RAPGEF5: variants seen among roughly 807,000 people sequenced by gnomAD.
The protein encoded by RAPGEF5 is M-Ras-regulated GEF.
Under a neutral mutation model 125.2 loss-of-function variants are expected in RAPGEF5, and 65 were observed. That is an observed-to-expected ratio of 0.52 (90% CI 0.43 to 0.64). The LOEUF (loss-of-function observed/expected upper bound fraction) is 0.64. Ranked by LOEUF, RAPGEF5 falls within the 30% of genes least tolerant of loss-of-function variation. The pLI, the probability that RAPGEF5 is intolerant of heterozygous loss-of-function variation, is 0.00. For missense variants in RAPGEF5, 958 were observed against 1,048.1 expected (o/e 0.91, Z 1.19); for synonymous variants, 391 against 385.9 (o/e 1.01, Z -0.16).
At chr7:22,160,134 C>G (rs1783940522) in intron 14 of RAPGEF5, among the ~76,000 whole-genome samples, 1 of 151,966 alleles carries the variant, frequency 6.6e-6, no homozygotes, top group African/African-American at 2.4e-5. Flanking sequence ...ATAAAATGTT[C>G]CACAACTCCC....
At chr7:22,151,333 A>G (rs921706622) in intron 17 of RAPGEF5, among the ~76,000 whole-genome samples, 1 of 152,134 alleles carries the variant, frequency 6.6e-6, no homozygotes, top group Non-Finnish European at 1.5e-5. Flanking sequence ...GGGAATGAAT[A>G]TTTTTAAAGT....
chr7:22,289,768 A>T (rs2128147097), intron 6 of RAPGEF5, among the ~76,000 whole-genome samples: 1 of 152,236 alleles, frequency 6.6e-6, no homozygotes, highest in Admixed American at 6.5e-5. Flanking sequence ...TTAGGGAGAG[A>T]TCTGGGGGGA....
At chr7:22,269,325 T>C (rs1353382535) in intron 6 of RAPGEF5, among the ~76,000 whole-genome samples, 1 of 152,196 alleles carries the variant, frequency 6.6e-6, no homozygotes, top group Admixed American at 6.5e-5. Context: ...TTTTTGTTTT[T>C]TTAAATGACC....
At chr7:22,274,797 C>T (rs962645649) in intron 6 of RAPGEF5, among the ~76,000 whole-genome samples, 1 of 152,186 alleles carries the variant, frequency 6.6e-6, no homozygotes. Flanking sequence ...CTCCATCCCA[C>T]ATCATTCTCT....
chr7:22,185,695 A>C (rs1484404867), intron 11 of RAPGEF5, among the ~76,000 whole-genome samples: 1 of 152,176 alleles, frequency 6.6e-6, no homozygotes, highest in African/African-American at 2.4e-5. Context: ...CACTGTGGAC[A>C]GCTGTTTCAA....
At chr7:22,317,397 C>T (rs1361411664) in intron 2 of RAPGEF5, among the ~76,000 whole-genome samples, 1 of 151,966 alleles carries the variant, frequency 6.6e-6, no homozygotes, top group Non-Finnish European at 1.5e-5. Context: ...CCCACCACCA[C>T]GCCCGGCTAA....
rs1356563241 is a variant in RAPGEF5, at chr7:22,150,524, A to G, written c.1787-20T>C. 1.3e-6 allele frequency: 2 copies of G among 1,590,100 alleles called. No homozygotes were observed. The highest frequency in any genetic ancestry group is 1.8e-5 in the Admixed American group (1 of 56,024). Reference sequence around the variant, plus strand: ...GCTTTTCTTTATTTGAAAAAAAAAAAAAAAAAAGGAATAATCAGAAATACA... The same window carrying G: ...GCTTTTCTTTATTTGAAAAAAAAAAGAAAAAAAGGAATAATCAGAAATACA... On this transcript the variant is annotated intron_variant, in intron 17 of 25. Transcript: ENST00000665637.
chr7:22,166,934 A>G, intron 12 of RAPGEF5, 136 bp downstream of exon 12: 1 of 693,150 alleles, frequency 1.4e-6, no homozygotes, highest in Non-Finnish European at 2.5e-6. Flanking sequence ...TCTACCTTGG[A>G]TATCATTACA....
At chr7:22,193,219 C>T in intron 11 of RAPGEF5, 148 bp downstream of exon 11, 1 of 832,672 alleles carries the variant, frequency 1.2e-6, no homozygotes, top group Non-Finnish European at 1.8e-6. Flanking sequence ...TTAAACAAAT[C>T]AGCACAAGGC....
At chr7:22,337,681 C>T (rs1784051494) in intron 1 of RAPGEF5, among the ~76,000 whole-genome samples, 1 of 149,924 alleles carries the variant, frequency 6.7e-6, no homozygotes, top group South Asian at 2.2e-4. Flanking sequence ...TTGGTTAGGT[C>T]AGATCTCTTT....
In RAPGEF5 at chr7:22,119,644, G is replaced by C. The variant is rs537743151; in HGVS notation, c.*2762C>G. The C allele has an allele frequency of 5.6e-4, 86 of 152,322 alleles. No individual in the cohort carries two copies. The highest frequency in any genetic ancestry group is 1.9e-3 in the African/African-American group (78 of 41,562). 9.4% of individuals were successfully genotyped at this position (152,322 alleles called of 1,614,324 possible). A position where few individuals can be genotyped will look rare whatever the true frequency, so the allele number is the denominator to read the frequency against. On this transcript the variant is annotated 3_prime_UTR_variant, in exon 26 of 26. Transcript: ENST00000665637. This position sits in a 1 kb window ranked among gnomAD's most constrained non-coding sequence, Gnocchi z 4.1. ...AGACCCACAGGACTGTCTGAGAGTT[G>C]TGCTGTAACAAAAAGAGCCCACTTA...
At chr7:22,335,594 G>A (rs1784010050) in intron 1 of RAPGEF5, among the ~76,000 whole-genome samples, 1 of 151,204 alleles carries the variant, frequency 6.6e-6, no homozygotes, top group African/African-American at 2.4e-5. Flanking sequence ...CATTTTCCTG[G>A]AGGCCACAAA....
chr7:22,231,832 G>A (rs975011730), intron 7 of RAPGEF5, among the ~76,000 whole-genome samples: 4 of 152,222 alleles, frequency 2.6e-5, no homozygotes, highest in Middle Eastern at 3.2e-3. Flanking sequence ...AGAGAGTAGA[G>A]ACCACAATAA....
chr7:22,303,128 C>T lies in RAPGEF5; in HGVS notation c.680+5211G>A, dbSNP rs560337320. 2.6e-5 allele frequency among the ~76,000 whole-genome samples: 4 copies of T among 152,162 alleles called. No homozygotes were observed. In the South Asian group the frequency reaches 6.2e-4, roughly 24 times the overall value. ...AGTGTTAGAAGCATCTTACCAGTCC[C>T]AAGGGAATAATTAGACTGCCTTTTC... On this transcript the variant is annotated intron_variant, in intron 5 of 25. Coordinates refer to ENST00000665637, the MANE Select transcript of RAPGEF5 (RefSeq NM_012294.5).
chr7:22,139,920 T>C (rs1583401337), intron 21 of RAPGEF5, 105 bp downstream of exon 21: 2 of 993,248 alleles, frequency 2.0e-6, no homozygotes, highest in East Asian at 2.7e-5. Context: ...CCTTGACATA[T>C]GACTTTCAAA....
chr7:22,272,697 A>G (rs1247981533), intron 6 of RAPGEF5, among the ~76,000 whole-genome samples: 1 of 152,196 alleles, frequency 6.6e-6, no homozygotes. Context: ...GCTAGTATGG[A>G]CTTTAAGAAT....
chr7:22,310,130 A>G, intron 3 of RAPGEF5, 40 bp from the exon 4 acceptor site: 1 of 1,460,786 alleles, frequency 6.8e-7, no homozygotes, highest in South Asian at 1.4e-5. Flanking sequence ...GATATTGCTG[A>G]CATCCGTTTG....
rs1323100384 is a variant in RAPGEF5, at chr7:22,154,525, T to C, written c.1716A>G (p.Leu572=). Reference sequence around the variant, plus strand: ...ACTGGATCTTTTCTGCCACGACTTTTAGGATCTCTTGGGCTATACTGGAAA... The same window carrying C: ...ACTGGATCTTTTCTGCCACGACTTTCAGGATCTCTTGGGCTATACTGGAAA... The part of the protein sequence containing the change: ...AKVSSIAQEI[L]KVVAEKIQYA... Residue 572 remains leucine, a synonymous_variant, in exon 17 of 26, where the codon CTA becomes CTG. Transcript: ENST00000665637. 1.9e-6 allele frequency: 3 copies of C among 1,613,944 alleles called. No individual in the cohort carries two copies. The highest frequency in any genetic ancestry group is 1.7e-6 in the Non-Finnish European group (2 of 1,179,834).
At chr7:22,155,381 C>A (rs1225006270) in intron 16 of RAPGEF5, among the ~76,000 whole-genome samples, 1 of 152,160 alleles carries the variant, frequency 6.6e-6, no homozygotes, top group Non-Finnish European at 1.5e-5. Context: ...GTAACTGACA[C>A]ATTACCTCTT....
Sources: gnomAD v4.1 joint callset for allele counts (sites outside exome capture counted in the v4.1 genomes callset) on GRCh38, gnomAD v4.1.1 for gene constraint, Gnocchi (gnomAD v3.1) non-coding constraint, MANE v1.5 for transcripts, NCBI Gene and HGNC (gene_info 2026-07-23, HGNC 2026-07-21) for gene names.